Variants in GLRA2 observed in about 807,000 individuals in gnomAD.
GLRA2 encodes the protein glycine receptor subunit alpha-2.
GLRA2 carries 11 observed loss-of-function variants against 31.6 expected under a neutral mutation model. That is an observed-to-expected ratio of 0.35 (90% CI 0.22 to 0.58). The LOEUF (loss-of-function observed/expected upper bound fraction) is 0.58. Among genes scored for constraint, GLRA2 ranks in the 20% least tolerant of loss-of-function variants. The probability of loss-of-function intolerance (pLI) is 0.84; values close to 1 mark genes in which losing one functional copy is unlikely to be tolerated. For synonymous variants in GLRA2, 132 were observed against 134.0 expected (o/e 0.99, Z 0.10); for missense variants, 212 against 351.8 (o/e 0.60, Z 3.18).
At chrX:14,505,185 C>T in the GLRA2 span, among the ~76,000 whole-genome samples, 1 of 111,838 alleles carries the variant, frequency 8.9e-6, no homozygotes, top group Non-Finnish European at 1.9e-5. Flanking sequence ...AATTAGGAAG[C>T]CAAACTCAAA....
the GLRA2 span, among the ~76,000 whole-genome samples, chrX:14,480,013 T>C: frequency 1.2e-4 from 13 of 112,034 alleles, no homozygotes; most frequent in Non-Finnish European, 2.1e-4. Flanking sequence ...TTCCCTTTTC[T>C]CTGTACCCTC....
intron 2 of GLRA2, among the ~76,000 whole-genome samples, chrX:14,542,269 T>C (rs1396671634): frequency 8.9e-6 from 1 of 111,979 alleles, no homozygotes; most frequent in Admixed American, 9.4e-5. Flanking sequence ...CTACGAATAT[T>C]CACAAAGGTG....
chrX:14,623,817 T>C (rs2090552771), intron 7 of GLRA2, among the ~76,000 whole-genome samples: 3 of 111,509 alleles, frequency 2.7e-5, no homozygotes. Context: ...TTTCTTTTTT[T>C]GTTGTGTCTC....
At chrX:14,692,417 C>T (rs1242666023) in intron 8 of GLRA2, among the ~76,000 whole-genome samples, 1 of 111,893 alleles carries the variant, frequency 8.9e-6, no homozygotes, top group African/African-American at 3.2e-5. Flanking sequence ...CAACACAAAA[C>T]AGTACAGAGT....
the GLRA2 span, among the ~76,000 whole-genome samples, chrX:14,512,906 G>GA: frequency 5.5e-5 from 6 of 109,362 alleles, no homozygotes; most frequent in Admixed American, 9.7e-5. Context: ...AACAGAACTA[G>GA]AAAAAAAAAT....
intron 2 of GLRA2, among the ~76,000 whole-genome samples, chrX:14,556,974 G>A (rs962037281): frequency 2.7e-5 from 3 of 110,974 alleles, no homozygotes; most frequent in Non-Finnish European, 5.7e-5. Context: ...TTTAATAAGC[G>A]ACTGAGGATT....
chrX:14,728,155 G>A (rs1307748378), intron 8 of GLRA2, among the ~76,000 whole-genome samples: 1 of 111,182 alleles, frequency 9.0e-6, no homozygotes, highest in Non-Finnish European at 1.9e-5. Context: ...CAACTAGGCC[G>A]AGGCAGGAAA....
chrX:14,681,763 G>A (rs1481358245), intron 7 of GLRA2, among the ~76,000 whole-genome samples: 2 of 103,196 alleles, frequency 1.9e-5, no homozygotes, highest in South Asian at 4.5e-4. Context: ...GTGGTGGCAC[G>A]TGCCTGTAAT....
intron 8 of GLRA2, among the ~76,000 whole-genome samples, chrX:14,722,215 C>T (rs1022942239): frequency 1.8e-5 from 2 of 111,792 alleles, no homozygotes; most frequent in Admixed American, 1.9e-4. Flanking sequence ...AGTTGTGGTT[C>T]GGGGTCTCTC....
At chrX:14,694,175 C>T (rs1224188820) in intron 8 of GLRA2, among the ~76,000 whole-genome samples, 1 of 111,536 alleles carries the variant, frequency 9.0e-6, no homozygotes, top group Admixed American at 9.5e-5. Flanking sequence ...TGGGAAGAAC[C>T]AGATTGCAGT....
At chrX:14,574,594 A>G in intron 3 of GLRA2, 194 bp downstream of exon 3, 1 of 1,023,329 alleles carries the variant, frequency 9.8e-7, no homozygotes, top group Non-Finnish European at 1.4e-6. Context: ...CATCGTGTGA[A>G]GGAATGGGAT....
chrX:14,730,653 T>C lies in GLRA2; in HGVS notation c.*168T>C. ...TACATGAAAAAAAAGACAAGTTATA[T>C]GGGTGATGAAGAAAACTGCACAAAA... is the stretch of plus-strand genomic sequence containing the variant. On this transcript the variant is annotated 3_prime_UTR_variant, in exon 9 of 9. Coordinates refer to ENST00000218075, the MANE Select transcript of GLRA2 (RefSeq NM_002063.4). The C allele has an allele frequency of 4.6e-6, 2 of 435,941 alleles. No individual in the cohort carries two copies. Among genetic ancestry groups the C allele is most frequent in the Non-Finnish European group, 4.0e-6 (1 of 249,684 alleles). The allele number at this position is 435,941 out of a possible 1,213,427, so 35.9% of individuals were successfully genotyped here. A position where few individuals can be genotyped will look rare whatever the true frequency, so the allele number is the denominator to read the frequency against.
intron 2 of GLRA2, among the ~76,000 whole-genome samples, chrX:14,536,865 G>T (rs181658692): frequency 4.5e-5 from 5 of 111,705 alleles, no homozygotes; most frequent in Admixed American, 2.9e-4. Context: ...CGAATGTCAA[G>T]TATGAGTCAG....
At chrX:14,573,887 A>C (rs2089917638) in intron 2 of GLRA2, among the ~76,000 whole-genome samples, 1 of 110,645 alleles carries the variant, frequency 9.0e-6, no homozygotes, top group African/African-American at 3.3e-5. Flanking sequence ...TGATTTAAAG[A>C]ATGTCATACA....
At chrX:14,508,591 T>C in the GLRA2 span, among the ~76,000 whole-genome samples, 571 of 111,479 alleles carry the variant, frequency 5.1e-3, 8 homozygotes, top group East Asian at 0.076. Flanking sequence ...TCTAGCACTT[T>C]TAGGGTCAAT....
the GLRA2 span, among the ~76,000 whole-genome samples, chrX:14,501,508 C>T: frequency 3.6e-5 from 4 of 111,519 alleles, no homozygotes; most frequent in Non-Finnish European, 7.5e-5. Flanking sequence ...GGCACCCCTC[C>T]TTGTGCTTTG....
chrX:14,666,153 A>G lies in GLRA2; in HGVS notation c.931-24557A>G, dbSNP rs779410853. On this transcript the variant is annotated intron_variant, in intron 7 of 8. Transcript: ENST00000218075. ...TTTCATAATGTTACTCATTAATGAA[A>G]AGCCTTCATTATCACCACTATGAGT... Among the ~76,000 whole-genome samples the G allele has an allele frequency of 2.7e-5, 3 of 112,345 alleles. No individual in the cohort carries two copies. The East Asian group carries it at 8.3e-4, about 31-fold the overall frequency.
chrX:14,584,023 G>A (rs1472018170), intron 4 of GLRA2, among the ~76,000 whole-genome samples: 1 of 110,903 alleles, frequency 9.0e-6, no homozygotes, highest in Non-Finnish European at 1.9e-5. Flanking sequence ...CACAAAGAAG[G>A]GAACAACAGA....
chrX:14,611,891 G>A (rs374713071), intron 7 of GLRA2, among the ~76,000 whole-genome samples: 1 of 112,082 alleles, frequency 8.9e-6, no homozygotes, highest in South Asian at 3.7e-4. Flanking sequence ...TCTGGCTTTT[G>A]TCATTAACAG....
Sources: gnomAD v4.1 joint callset for allele counts (sites outside exome capture counted in the v4.1 genomes callset) on GRCh38, gnomAD v4.1.1 for gene constraint, MANE v1.5 for transcripts, NCBI Gene and HGNC (gene_info 2026-07-23, HGNC 2026-07-21) for gene names.